B3GLCT: variants seen among roughly 807,000 people sequenced by gnomAD.
B3GLCT encodes the protein beta-1,3-glucosyltransferase.
In B3GLCT, 65 loss-of-function variants were observed where a neutral mutation model predicts 63.4. The observed-to-expected ratio is 1.03, with a 90% CI of 0.84 to 1.26. B3GLCT has a LOEUF of 1.26. Among genes scored for constraint, B3GLCT ranks in the 50% most tolerant of loss-of-function variants. The probability of loss-of-function intolerance (pLI) is 0.00; values close to 1 mark genes in which losing one functional copy is unlikely to be tolerated. For synonymous variants in B3GLCT, 233 were observed against 219.2 expected (o/e 1.06, Z -0.55); for missense variants, 577 against 604.8 (o/e 0.95, Z 0.48).
At chr13:31,256,781 G>T (rs1216291406) in intron 6 of B3GLCT, among the ~76,000 whole-genome samples, 1 of 152,096 alleles carries the variant, frequency 6.6e-6, no homozygotes, top group African/African-American at 2.4e-5. Context: ...GGGCGGTGGG[G>T]GGCTTAGGGA....
intron 4 of B3GLCT, among the ~76,000 whole-genome samples, chr13:31,231,652 T>C (rs1870386854): frequency 6.6e-6 from 1 of 152,196 alleles, no homozygotes; most frequent in Admixed American, 6.5e-5. Context: ...CTGGGAAGAG[T>C]AGTTTTTAGA....
At chr13:31,266,368 G>A (rs977851455) in intron 7 of B3GLCT, among the ~76,000 whole-genome samples, 2 of 152,140 alleles carry the variant, frequency 1.3e-5, no homozygotes, top group African/African-American at 2.4e-5. Context: ...ACCAAACTTC[G>A]TGTTTTCCAG....
In B3GLCT at chr13:31,247,038, C is replaced by G; in HGVS notation, c.286C>G (p.Leu96Val). The G allele has an allele frequency of 1.2e-6, 2 of 1,611,506 alleles. No individual in the cohort carries two copies. ...GTTTTCTCAGGAGCTCCCCAGTGTC[C>G]TCCTCCTTCATCAGCTGGCTAAACA... is the stretch of plus-strand genomic sequence containing the variant. ...ADLTQELPSV[L>V]LLHQLAKQEG... The change falls in exon 5 of 15, where the codon CTC becomes GTC. Residue 96 changes from leucine to valine, a missense_variant. Leu to Val is a conservative substitution (Grantham distance 32, BLOSUM62 1). Coordinates refer to ENST00000343307, the MANE Select transcript of B3GLCT (RefSeq NM_194318.4).
chr13:31,280,055 G>C (rs539133630), intron 10 of B3GLCT, among the ~76,000 whole-genome samples: 6 of 152,168 alleles, frequency 3.9e-5, no homozygotes, highest in Admixed American at 3.9e-4. Flanking sequence ...AAGGTGCCCA[G>C]ATTTCATATT....
chr13:31,288,426 C>A (rs1276483553), intron 12 of B3GLCT, among the ~76,000 whole-genome samples: 1 of 152,188 alleles, frequency 6.6e-6, no homozygotes, highest in East Asian at 1.9e-4. Context: ...AAGCAGTTCA[C>A]CTGCAGGCCC....
chr13:31,247,798 C>A, intron 5 of B3GLCT, 57 bp from the exon 6 acceptor site: 1 of 889,002 alleles, frequency 1.1e-6, no homozygotes, highest in Non-Finnish European at 1.9e-6. Context: ...CAGTTTTAAA[C>A]CTTATTATTA....
Position 31,266,244 on chromosome 13 carries a change from C to T in B3GLCT, c.597-2970C>T, listed in dbSNP as rs532779924. On this transcript the variant is annotated intron_variant, in intron 7 of 14. Coordinates refer to ENST00000343307, the MANE Select transcript of B3GLCT (RefSeq NM_194318.4). ...CGATCTCCTGACCTCATGTTTTGCC[C>T]GCCTTGGCCTCCCAACCTCGTGATC... 1.1e-4 allele frequency among the ~76,000 whole-genome samples: 17 copies of T among 152,122 alleles called. No homozygotes were observed. The South Asian group carries it at 1.2e-3, about 11-fold the overall frequency.
intron 8 of B3GLCT, among the ~76,000 whole-genome samples, chr13:31,273,298 A>T (rs1222885785): frequency 6.6e-6 from 1 of 151,924 alleles, no homozygotes; most frequent in Admixed American, 6.6e-5. Flanking sequence ...GTTTCACCAT[A>T]TTGGACAGGC....
At chr13:31,250,736 C>T (rs1030155061) in intron 6 of B3GLCT, among the ~76,000 whole-genome samples, 5 of 152,220 alleles carry the variant, frequency 3.3e-5, no homozygotes, top group African/African-American at 1.2e-4. Context: ...ATAAAACCTC[C>T]ACCTCCCTGG....
intron 1 of B3GLCT, among the ~76,000 whole-genome samples, chr13:31,202,788 T>C (rs1328500700): frequency 6.6e-6 from 1 of 152,256 alleles, no homozygotes; most frequent in East Asian, 1.9e-4. Flanking sequence ...ATCTGAGGGA[T>C]GGAGCCATGG....
At chr13:31,248,692 C>T (rs1052103209) in intron 6 of B3GLCT, among the ~76,000 whole-genome samples, 2 of 152,172 alleles carry the variant, frequency 1.3e-5, no homozygotes, top group African/African-American at 4.8e-5. Flanking sequence ...CAGTGAAGTC[C>T]ACTACTGCTT....
intron 1 of B3GLCT, among the ~76,000 whole-genome samples, chr13:31,200,608 C>G (rs1187410624): frequency 3.3e-5 from 5 of 151,626 alleles, no homozygotes; most frequent in Non-Finnish European, 7.4e-5. Context: ...GCGCCCCGCG[C>G]CGGGCGGGAG....
intron 10 of B3GLCT, among the ~76,000 whole-genome samples, chr13:31,282,393 A>C (rs1250063541): frequency 6.6e-6 from 1 of 152,168 alleles, no homozygotes; most frequent in Non-Finnish European, 1.5e-5. Context: ...TAATCCCAGC[A>C]CTTTGGGAGG....
chr13:31,275,662 C>T (rs1195878635), intron 9 of B3GLCT, among the ~76,000 whole-genome samples: 1 of 152,150 alleles, frequency 6.6e-6, no homozygotes, highest in Non-Finnish European at 1.5e-5. Context: ...CCCTGACACT[C>T]ACAAGGTTGT....
At chr13:31,208,415 C>T (rs751007938) in intron 1 of B3GLCT, among the ~76,000 whole-genome samples, 6 of 152,230 alleles carry the variant, frequency 3.9e-5, no homozygotes, top group East Asian at 1.9e-4. Flanking sequence ...CGCTATTGCA[C>T]GCACACCCCT....
chr13:31,250,466 C>A (rs530070628), intron 6 of B3GLCT, among the ~76,000 whole-genome samples: 1 of 152,246 alleles, frequency 6.6e-6, no homozygotes, highest in African/African-American at 2.4e-5. Context: ...GGAGCCACCA[C>A]ACCTGGCCTA....
At chr13:31,200,809 G>A (rs1455879629) in intron 1 of B3GLCT, among the ~76,000 whole-genome samples, 1 of 152,022 alleles carries the variant, frequency 6.6e-6, no homozygotes. Flanking sequence ...GGACAGGGGC[G>A]CCCGCTGGGC....
intron 12 of B3GLCT, among the ~76,000 whole-genome samples, chr13:31,309,322 A>G (rs555878173): frequency 2.0e-5 from 3 of 152,316 alleles, no homozygotes; most frequent in East Asian, 1.9e-4. Flanking sequence ...ACCCTGAAAT[A>G]TGTGGGAATT....
intron 3 of B3GLCT, among the ~76,000 whole-genome samples, chr13:31,228,932 T>G (rs1358802037): frequency 3.9e-5 from 6 of 152,220 alleles, no homozygotes; most frequent in African/African-American, 1.2e-4. Context: ...CGGGAGCACA[T>G]TCTCAGTTTG....
Sources: gnomAD v4.1 joint callset for allele counts (sites outside exome capture counted in the v4.1 genomes callset) on GRCh38, gnomAD v4.1.1 for gene constraint, MANE v1.5 for transcripts, NCBI Gene and HGNC (gene_info 2026-07-23, HGNC 2026-07-21) for gene names.